The following TMEM71 variants were observed in gnomAD, a reference collection of about 807,000 sequenced individuals.
TMEM71 encodes the protein transmembrane protein 71.
TMEM71 carries 44 observed loss-of-function variants against 38.0 expected under a neutral mutation model. The observed-to-expected ratio is 1.16, with a 90% confidence interval of 0.91 to 1.49. The LOEUF (loss-of-function observed/expected upper bound fraction) is 1.49. Among genes scored for constraint, TMEM71 ranks in the 40% most tolerant of loss-of-function variants. The pLI is 0.00. For synonymous variants in TMEM71, 133 were observed against 122.5 expected, an observed-to-expected ratio of 1.09 and a Z score of -0.56; for missense variants, 367 against 348.6, an observed-to-expected ratio of 1.05 and a Z score of -0.42.
In TMEM71 at chr8:132,713,982, A is replaced by G. The variant is rs774646425; in HGVS notation, c.872+13T>C. On this transcript the variant is annotated intron_variant, in intron 9 of 9. Transcript: ENST00000677595. ...TTGGTCCAGACAATAATGATGACAC[A>G]GGCAACACTTACCGAGCACAGGCAG... 6.2e-7 allele frequency: 1 copy of G among 1,612,854 alleles called. No individual in the cohort carries two copies. The highest frequency in any genetic ancestry group is 8.5e-7 in the Non-Finnish European group (1 of 1,179,022).
At chr8:132,734,860 C>T (rs758679364) in intron 5 of TMEM71, among the ~76,000 whole-genome samples, 2 of 152,256 alleles carry the variant, frequency 1.3e-5, no homozygotes, top group East Asian at 1.9e-4. Flanking sequence ...ATTTGATGTA[C>T]TTTACCTCTG....
upstream of TMEM71, among the ~76,000 whole-genome samples, chr8:132,763,615 C>T (rs565234981): frequency 9.0e-4 from 137 of 152,290 alleles, no homozygotes; most frequent in Non-Finnish European, 1.6e-3. Context: ...AAATGATACT[C>T]GGACTTGCTA....
intron 2 of TMEM71, chr8:132,757,884 G>A (rs972714278): frequency 1.3e-5 from 2 of 150,924 alleles, no homozygotes; most frequent in Non-Finnish European, 1.5e-5. Context: ...TAAATCATTA[G>A]CATCAAACTG....
intron 4 of TMEM71, among the ~76,000 whole-genome samples, chr8:132,748,907 T>G (rs1215139642): frequency 6.6e-6 from 1 of 152,234 alleles, no homozygotes; most frequent in Non-Finnish European, 1.5e-5. Context: ...GGAAAATTAC[T>G]CAACCTCTCT....
chr8:132,749,974 ACTGTACTCCAGC>A (rs1185327754), intron 4 of TMEM71, among the ~76,000 whole-genome samples: 1 of 147,506 alleles, frequency 6.8e-6, no homozygotes, highest in East Asian at 2.0e-4. Context: ...AGATAGCGCC[ACTGTACTCCAGC>A]CTGGCGAAAG....
chr8:132,774,042 G>T, the TMEM71 span, among the ~76,000 whole-genome samples: 3 of 152,210 alleles, frequency 2.0e-5, no homozygotes, highest in African/African-American at 7.2e-5. Flanking sequence ...TTTACACTGT[G>T]CCAGAGACAG....
At chr8:132,730,185 C>T (rs959994295) in intron 5 of TMEM71, among the ~76,000 whole-genome samples, 3 of 151,986 alleles carry the variant, frequency 2.0e-5, no homozygotes, top group Non-Finnish European at 2.9e-5. Flanking sequence ...CTTGAACTCC[C>T]GACCTCAGAT....
intron 5 of TMEM71, among the ~76,000 whole-genome samples, chr8:132,730,252 C>T (rs1827380239): frequency 6.6e-6 from 1 of 152,134 alleles, no homozygotes; most frequent in African/African-American, 2.4e-5. Context: ...GTCACCATGC[C>T]TGGCCTTGAG....
chr8:132,716,778 C>T (rs1826559034), intron 7 of TMEM71, among the ~76,000 whole-genome samples: 1 of 152,276 alleles, frequency 6.6e-6, no homozygotes. Flanking sequence ...ATTATCCTCT[C>T]TCTCTCTGTC....
chr8:132,730,712 A>G (rs1159821612), intron 5 of TMEM71, among the ~76,000 whole-genome samples: 3 of 152,188 alleles, frequency 2.0e-5, no homozygotes. Flanking sequence ...TCTAAACAGG[A>G]CAATTACTTC....
intron 5 of TMEM71, among the ~76,000 whole-genome samples, chr8:132,738,869 C>T (rs1203896647): frequency 1.1e-4 from 17 of 152,074 alleles, no homozygotes; most frequent in African/African-American, 4.1e-4. Context: ...CACACACACA[C>T]ACACACACAC....
intron 3 of TMEM71, among the ~76,000 whole-genome samples, chr8:132,754,258 T>G (rs1241054408): frequency 6.6e-6 from 1 of 152,154 alleles, no homozygotes; most frequent in Non-Finnish European, 1.5e-5. Context: ...TATCACACTA[T>G]TAAATAGACT....
chr8:132,735,991 A>G (rs749249386), intron 5 of TMEM71, among the ~76,000 whole-genome samples: 2 of 152,252 alleles, frequency 1.3e-5, no homozygotes, highest in African/African-American at 4.8e-5. Flanking sequence ...ATACTGGTGT[A>G]GCAGAAAGCT....
chr8:132,761,192 A>T (rs187679552), upstream of TMEM71, among the ~76,000 whole-genome samples: 1 of 152,322 alleles, frequency 6.6e-6, no homozygotes, highest in African/African-American at 2.4e-5. Context: ...ACATTCAAAT[A>T]TATATTCCAG....
chr8:132,719,350 G>A (rs1826713532), intron 7 of TMEM71, among the ~76,000 whole-genome samples: 1 of 152,172 alleles, frequency 6.6e-6, no homozygotes, highest in Non-Finnish European at 1.5e-5. Context: ...GCCACAAGTG[G>A]AAACTTCCAC....
upstream of TMEM71, among the ~76,000 whole-genome samples, chr8:132,762,860 G>A (rs1829320588): frequency 6.6e-6 from 1 of 152,184 alleles, no homozygotes; most frequent in South Asian, 2.1e-4. Flanking sequence ...ATGTAATCTT[G>A]TTTCAACCTC....
chr8:132,746,793 A>G, intron 5 of TMEM71, 149 bp downstream of exon 5: 4 of 558,700 alleles, frequency 7.2e-6, no homozygotes, highest in Non-Finnish European at 1.2e-5. Context: ...TGTAATATAG[A>G]GAGAACTTTA....
In TMEM71 at chr8:132,757,310, A is replaced by G; in HGVS notation, c.41-16T>C. The G allele has an allele frequency of 1.7e-6, 1 of 580,984 alleles. No individual in the cohort carries two copies. Among genetic ancestry groups the G allele is most frequent in the Non-Finnish European group, 2.4e-6 (1 of 412,516 alleles). The allele number at this position is 580,984 out of a possible 1,614,324, so 36.0% of individuals were successfully genotyped here. A position where few individuals can be genotyped will look rare whatever the true frequency, so the allele number is the denominator to read the frequency against. ...CTGGAAGAACCTGCATAAACAAATG[A>G]GAGAGAAGTAGAATGTATCATACCT... On this transcript the variant is annotated splice_polypyrimidine_tract_variant and intron_variant, in intron 2 of 9. Coordinates refer to ENST00000677595, the MANE Select transcript of TMEM71 (RefSeq NM_001382403.1).
the TMEM71 span, among the ~76,000 whole-genome samples, chr8:132,767,649 T>C: frequency 6.6e-6 from 1 of 152,096 alleles, no homozygotes; most frequent in Non-Finnish European, 1.5e-5. Flanking sequence ...TAATTTTTTG[T>C]ATTTTAGTAG....
Sources: allele counts gnomAD v4.1 joint callset (sites outside exome capture counted in the v4.1 genomes callset), GRCh38; gene constraint gnomAD v4.1.1; transcripts MANE v1.5; gene names NCBI Gene and HGNC (gene_info 2026-07-23, HGNC 2026-07-21).